ARHGAP15: variants seen among roughly 807,000 people sequenced by gnomAD.
The protein encoded by ARHGAP15 is rho GTPase-activating protein 15.
ARHGAP15 carries 51 observed loss-of-function variants against 63.7 expected under a neutral mutation model. The ratio of observed to expected loss-of-function variants is 0.80; its 90% CI spans 0.64 to 1.01. ARHGAP15 has a LOEUF of 1.01. Ranked by LOEUF, ARHGAP15 falls within the 50% of genes least tolerant of loss-of-function variation. The pLI, the probability that ARHGAP15 is intolerant of heterozygous loss-of-function variation, is 0.00. For missense variants in ARHGAP15, 560 were observed against 564.6 expected (o/e 0.99, Z 0.08); for synonymous variants, 191 against 193.8 (o/e 0.99, Z 0.12).
chr2:143,406,396 T>TAAG (rs1358143241), intron 6 of ARHGAP15, among the ~76,000 whole-genome samples: 2 of 151,928 alleles, frequency 1.3e-5, no homozygotes, highest in Admixed American at 6.6e-5. Context: ...ACATCATAGT[T>TAAG]AAGAGGTGTG....
chr2:143,335,812 C>T (rs1406927501), intron 6 of ARHGAP15, among the ~76,000 whole-genome samples: 1 of 151,972 alleles, frequency 6.6e-6, no homozygotes, highest in African/African-American at 2.4e-5. Flanking sequence ...CCAATGTTCA[C>T]ATTTGAGGTG....
At chr2:143,171,196 T>A (rs1219819362) in intron 2 of ARHGAP15, among the ~76,000 whole-genome samples, 1 of 152,134 alleles carries the variant, frequency 6.6e-6, no homozygotes, top group Non-Finnish European at 1.5e-5. Flanking sequence ...CCTCAGGATA[T>A]CACTATTGTA....
intron 12 of ARHGAP15, among the ~76,000 whole-genome samples, chr2:143,659,721 C>G (rs989307941): frequency 6.6e-6 from 1 of 152,112 alleles, no homozygotes; most frequent in African/African-American, 2.4e-5. Flanking sequence ...AATACAGGCC[C>G]TTTTAAAAAT....
intron 3 of ARHGAP15, among the ~76,000 whole-genome samples, chr2:143,213,470 G>A (rs527329247): frequency 3.9e-5 from 6 of 152,210 alleles, no homozygotes; most frequent in South Asian, 2.1e-4. Flanking sequence ...CCGAGATTGC[G>A]CCATTGCACT....
intron 8 of ARHGAP15, among the ~76,000 whole-genome samples, chr2:143,464,342 G>GA (rs1691102553): frequency 6.6e-6 from 1 of 152,048 alleles, no homozygotes; most frequent in Admixed American, 6.6e-5. Flanking sequence ...TAACTTGATA[G>GA]AAATAAAGAA....
chr2:143,535,648 C>G (rs1057102025), intron 10 of ARHGAP15, among the ~76,000 whole-genome samples: 4 of 152,194 alleles, frequency 2.6e-5, no homozygotes, highest in Admixed American at 1.3e-4. Context: ...TCTTTCATTT[C>G]TATCTCTCAT....
At chr2:143,590,309 C>A (rs185442168) in intron 11 of ARHGAP15, among the ~76,000 whole-genome samples, 2 of 152,186 alleles carry the variant, frequency 1.3e-5, no homozygotes, top group East Asian at 3.9e-4. Context: ...CACTTTTGCT[C>A]TGTTTTCTTC....
chr2:143,691,021 T>C lies in ARHGAP15; in HGVS notation c.1139-12398T>C, dbSNP rs780472434. Among the ~76,000 whole-genome samples the C allele has an allele frequency of 7.2e-5, 11 of 152,136 alleles. 1 individual carries two copies. The highest frequency in any genetic ancestry group is 1.2e-4 in the Non-Finnish European group (8 of 68,022). On this transcript the variant is annotated intron_variant, in intron 12 of 13. Transcript: ENST00000295095. ...CAAATGAAATTATAGCAAGAAATGTTGAGGTTAGGACAGCGGACGGACGTA... is the reference window on the plus strand; with the variant it reads ...CAAATGAAATTATAGCAAGAAATGTCGAGGTTAGGACAGCGGACGGACGTA...
At chr2:143,542,973 C>T (rs1173776548) in intron 10 of ARHGAP15, among the ~76,000 whole-genome samples, 1 of 149,972 alleles carries the variant, frequency 6.7e-6, no homozygotes, top group Non-Finnish European at 1.5e-5. Context: ...AATTCCATAT[C>T]TTGGTTATTG....
At chr2:143,410,466 T>C (rs1019106707) in intron 6 of ARHGAP15, among the ~76,000 whole-genome samples, 1 of 152,302 alleles carries the variant, frequency 6.6e-6, no homozygotes, top group East Asian at 1.9e-4. Context: ...ATACCTATAG[T>C]CTATCCTGGA....
chr2:143,413,966 T>TGTGTGTGTGCGCGCGCGCGCGCGCACGC, intron 6 of ARHGAP15, among the ~76,000 whole-genome samples: 1 of 117,922 alleles, frequency 8.5e-6, no homozygotes, highest in African/African-American at 3.5e-5. Flanking sequence ...TGTGTGTGTG[T>TGTGTGTGTGCGCGCGCGCGCGCGCACGC]GCGCGCTCTC....
chr2:143,624,006 C>T, intron 11 of ARHGAP15, 127 bp from the exon 12 acceptor site: 1 of 1,149,128 alleles, frequency 8.7e-7, no homozygotes, highest in Non-Finnish European at 1.2e-6. Flanking sequence ...TGCACAGCAC[C>T]AAACCTCTAG....
Position 143,155,643 on chromosome 2 carries a change from G to T in ARHGAP15, c.153G>T (p.Lys51Asn), listed in dbSNP as rs756882708. Residue 51 changes from lysine to asparagine, a missense_variant, in exon 2 of 14, where the codon AAG becomes AAT. By Grantham distance (94) the Lys-to-Asn change is moderately conservative. Transcript: ENST00000295095. Reference sequence around the variant, plus strand: ...CCATGATCCTCACCGATGTCGGGAAGGTCACTGAACCTGTAAGTCAAATAC... The same window carrying T: ...CCATGATCCTCACCGATGTCGGGAATGTCACTGAACCTGTAAGTCAAATAC... ...SKSMILTDVGKVTEPISRHRR... is the reference protein window; with the variant it reads ...SKSMILTDVGNVTEPISRHRR... 9 of 1,570,180 alleles carry T rather than the reference G, an allele frequency of 5.7e-6. No homozygotes were observed. Among genetic ancestry groups the T allele is most frequent in the South Asian group, 3.6e-5 (3 of 83,208 alleles).
intron 6 of ARHGAP15, among the ~76,000 whole-genome samples, chr2:143,330,430 T>C (rs1276959476): frequency 6.6e-6 from 1 of 152,080 alleles, no homozygotes; most frequent in African/African-American, 2.4e-5. Context: ...GACAAATACA[T>C]AAAATACCCA....
chr2:143,365,485 C>A (rs531370730), intron 6 of ARHGAP15, among the ~76,000 whole-genome samples: 18 of 152,236 alleles, frequency 1.2e-4, no homozygotes, highest in African/African-American at 4.3e-4. Flanking sequence ...TGCACATTGC[C>A]GTAATTGTCA....
At chr2:143,361,603 A>G (rs1216484117) in intron 6 of ARHGAP15, among the ~76,000 whole-genome samples, 1 of 152,168 alleles carries the variant, frequency 6.6e-6, no homozygotes, top group Non-Finnish European at 1.5e-5. Context: ...ATTGGCTCAA[A>G]CCTACCCTCT....
At chr2:143,435,570 C>G in intron 6 of ARHGAP15, 31 bp from the exon 7 acceptor site, 2 of 1,481,958 alleles carry the variant, frequency 1.3e-6, no homozygotes, top group Non-Finnish European at 1.8e-6. Flanking sequence ...CTTTACCTGT[C>G]TATTTCTTTT....
At chr2:143,653,028 C>G (rs569404276) in intron 12 of ARHGAP15, among the ~76,000 whole-genome samples, 4 of 151,936 alleles carry the variant, frequency 2.6e-5, no homozygotes, top group Admixed American at 6.6e-5. Context: ...AAATATGATG[C>G]TAGTTTTAGG....
intron 11 of ARHGAP15, among the ~76,000 whole-genome samples, chr2:143,560,512 C>T (rs551804544): frequency 1.3e-4 from 20 of 152,356 alleles, no homozygotes; most frequent in Admixed American, 5.2e-4. Context: ...GACTCAGAGC[C>T]TATGCTGCAA....
Sources: gnomAD v4.1 joint callset for allele counts (sites outside exome capture counted in the v4.1 genomes callset) on GRCh38, gnomAD v4.1.1 for gene constraint, MANE v1.5 for transcripts, NCBI Gene and HGNC (gene_info 2026-07-23, HGNC 2026-07-21) for gene names.